DPP6: variants seen among roughly 807,000 people sequenced by gnomAD.
DPP6 encodes A-type potassium channel modulatory protein DPP6.
A neutral mutation model predicts 122.6 loss-of-function variants in DPP6; 69 were observed. That is an observed-to-expected ratio of 0.56 (90% CI 0.46 to 0.69). The LOEUF (loss-of-function observed/expected upper bound fraction) is 0.69. DPP6 is among the 30% of genes least tolerant of loss of function. The pLI is 0.00. For missense variants in DPP6, 928 were observed against 1,116.9 expected (o/e 0.83, Z 2.41); for synonymous variants, 418 against 433.1 (o/e 0.97, Z 0.43).
chr7:154,557,330 T>C (rs1223101420), intron 4 of DPP6, among the ~76,000 whole-genome samples: 1 of 152,164 alleles, frequency 6.6e-6, no homozygotes, highest in Non-Finnish European at 1.5e-5. Flanking sequence ...TCGTTAGCAA[T>C]TGACCCTCCA....
intron 1 of DPP6, among the ~76,000 whole-genome samples, chr7:154,174,878 C>CTTTT (rs60317194): frequency 1.4e-5 from 2 of 144,904 alleles, no homozygotes. Context: ...TTCTTTCTTT[C>CTTTT]TTTTTTTTTT....
intron 1 of DPP6, among the ~76,000 whole-genome samples, chr7:154,288,942 C>T (rs1035749541): frequency 2.6e-5 from 4 of 152,192 alleles, no homozygotes; most frequent in Admixed American, 1.3e-4. Flanking sequence ...CAGACTCTGC[C>T]ATCCTGAGAT....
At chr7:154,087,059 A>AT (rs1199511964) in intron 1 of DPP6, among the ~76,000 whole-genome samples, 1 of 151,962 alleles carries the variant, frequency 6.6e-6, no homozygotes, top group East Asian at 1.9e-4. Flanking sequence ...GATGTTACAT[A>AT]TTTTTTTCCC....
At chr7:153,869,277 G>T in the DPP6 span, among the ~76,000 whole-genome samples, 1 of 152,158 alleles carries the variant, frequency 6.6e-6, no homozygotes, top group Non-Finnish European at 1.5e-5. Flanking sequence ...TTATTATTGT[G>T]TGGGAGTCTA....
intron 10 of DPP6, among the ~76,000 whole-genome samples, chr7:154,784,586 G>A (rs1797225570): frequency 6.6e-6 from 1 of 152,154 alleles, no homozygotes; most frequent in Non-Finnish European, 1.5e-5. Context: ...TGCTTGGTGA[G>A]AAAGCCAGCT....
chr7:153,914,940 A>G (rs1173344456), intron 1 of DPP6, among the ~76,000 whole-genome samples: 2 of 152,130 alleles, frequency 1.3e-5, no homozygotes, highest in African/African-American at 4.8e-5. Flanking sequence ...TCTTGCTTTT[A>G]TTTATTATTT....
chr7:153,934,651 C>T (rs775038159), intron 1 of DPP6, among the ~76,000 whole-genome samples: 27 of 152,178 alleles, frequency 1.8e-4, no homozygotes, highest in Admixed American at 3.3e-4. Context: ...TACACACTCA[C>T]GTACATACAA....
chr7:153,786,268 CTGACAT>C, the DPP6 span, among the ~76,000 whole-genome samples: 1 of 42,360 alleles, frequency 2.4e-5, no homozygotes, highest in Admixed American at 1.7e-4. Flanking sequence ...TTAATGACAT[CTGACAT>C]CTGACTAGAA....
chr7:154,677,133 T>G lies in DPP6; in HGVS notation c.762+7692T>G, dbSNP rs115025598. The stretch of plus-strand genomic sequence containing the variant: ...ATTTTTCTTACTATTATTATAATTT[T>G]TACTATTACTACTTATGCTATTATT... On this transcript the variant is annotated intron_variant, in intron 7 of 25. Transcript: ENST00000377770. 5.9e-3 allele frequency among the ~76,000 whole-genome samples: 894 copies of G among 152,366 alleles called. 12 individuals carry two copies. Among genetic ancestry groups the G allele is most frequent in the African/African-American group, 0.02 (843 of 41,588 alleles).
At chr7:153,911,045 C>T (rs1050650303) in intron 1 of DPP6, among the ~76,000 whole-genome samples, 1 of 152,210 alleles carries the variant, frequency 6.6e-6, no homozygotes, top group Non-Finnish European at 1.5e-5. Context: ...CAGATTACTT[C>T]ACTCACTAGC....
At chr7:154,689,766 T>C (rs561749599) in intron 7 of DPP6, among the ~76,000 whole-genome samples, 73 of 152,202 alleles carry the variant, frequency 4.8e-4, no homozygotes, top group Non-Finnish European at 9.3e-4. Context: ...TTAAAAACAA[T>C]TATATCAATT....
the DPP6 span, among the ~76,000 whole-genome samples, chr7:153,780,034 C>T: frequency 6.6e-6 from 1 of 151,330 alleles, no homozygotes; most frequent in African/African-American, 2.4e-5. Flanking sequence ...AGTTAAAAAA[C>T]ACAGGTGCTT....
At position 154,061,898 on chromosome 7, in the gene DPP6, C is replaced by A. The variant is rs553451141; in HGVS notation, c.243+8835C>A. ...CGCGAGGCAGGGACTGAGAGGCAAT[C>A]CCTCTTCCCCCCCTGGCTCTGAGGA... is the stretch of plus-strand genomic sequence containing the variant. On this transcript the variant is annotated intron_variant, in intron 1 of 25. Coordinates refer to ENST00000377770, the MANE Select transcript of DPP6 (RefSeq NM_130797.4). Among the ~76,000 whole-genome samples the A allele has an allele frequency of 2.1e-4, 28 of 134,618 alleles. 1 individual carries two copies. The highest frequency in any genetic ancestry group is 7.3e-4 in the African/African-American group (27 of 36,850). The allele number at this position is 134,618 out of a possible 152,430, so 88.3% of individuals were successfully genotyped here.
chr7:154,709,324 C>A (rs566591689), intron 7 of DPP6, among the ~76,000 whole-genome samples: 1 of 152,108 alleles, frequency 6.6e-6, no homozygotes, highest in South Asian at 2.1e-4. Context: ...GGACTACAGG[C>A]GTGTGCTATG....
At chr7:153,902,085 C>T (rs759460817) in intron 1 of DPP6, among the ~76,000 whole-genome samples, 1 of 152,210 alleles carries the variant, frequency 6.6e-6, no homozygotes, top group East Asian at 1.9e-4. Flanking sequence ...AAAGAGAACA[C>T]TTTTCTTATT....
At chr7:154,023,868 A>G (rs1042820480) in intron 1 of DPP6, among the ~76,000 whole-genome samples, 9 of 150,466 alleles carry the variant, frequency 6.0e-5, no homozygotes, top group Non-Finnish European at 1.2e-4. Context: ...TTATGCAAAA[A>G]TTGAGAAAAT....
At chr7:154,223,593 A>G (rs149903309) in intron 1 of DPP6, among the ~76,000 whole-genome samples, 2 of 149,364 alleles carry the variant, frequency 1.3e-5, no homozygotes, top group East Asian at 2.0e-4. Context: ...AAGGATGAGT[A>G]GAAGATGAAG....
At chr7:154,579,678 G>C (rs544717479) in intron 5 of DPP6, among the ~76,000 whole-genome samples, 16 of 152,270 alleles carry the variant, frequency 1.1e-4, no homozygotes, top group African/African-American at 3.9e-4. Context: ...CCCCCCATGG[G>C]GGGGCCCAAA....
At chr7:154,565,456 C>T (rs1012364162) in intron 4 of DPP6, among the ~76,000 whole-genome samples, 5 of 152,198 alleles carry the variant, frequency 3.3e-5, no homozygotes, top group Non-Finnish European at 5.9e-5. Flanking sequence ...GAACCCAAGT[C>T]CTTGGAGTCA....
Sources: allele counts gnomAD v4.1 joint callset (sites outside exome capture counted in the v4.1 genomes callset), GRCh38; gene constraint gnomAD v4.1.1; transcripts MANE v1.5; gene names NCBI Gene and HGNC (gene_info 2026-07-23, HGNC 2026-07-21).